ZC3H15: variants seen among roughly 807,000 people sequenced by gnomAD.
ZC3H15 encodes zinc finger CCCH domain-containing protein 15.
ZC3H15 carries 15 observed loss-of-function variants against 51.2 expected under a neutral mutation model. The observed-to-expected ratio is 0.29, with a 90% CI of 0.20 to 0.45. The LOEUF (loss-of-function observed/expected upper bound fraction) is 0.45, where lower values mean the gene tolerates loss of function less well. ZC3H15 is among the 20% of genes least tolerant of loss of function. The pLI is 1.00. For synonymous variants in ZC3H15, 144 were observed against 162.8 expected (o/e 0.88, Z 0.88); for missense variants, 381 against 494.7 (o/e 0.77, Z 2.18).
At chr2:186,506,975 TAATA>T (rs965694921) in intron 9 of ZC3H15, 139 bp downstream of exon 9, 1 of 944,018 alleles carries the variant, frequency 1.1e-6, no homozygotes. Context: ...ATAAAAGCAG[TAATA>T]AATAGTGAAA....
At chr2:186,501,461 G>A in intron 4 of ZC3H15, 36 bp downstream of exon 4, 2 of 1,569,466 alleles carry the variant, frequency 1.3e-6, no homozygotes, top group Non-Finnish European at 1.7e-6. Context: ...AAAAATAAAT[G>A]TTGAATACTT....
chr2:186,505,412 G>T, intron 6 of ZC3H15, 39 bp from the exon 7 acceptor site: 1 of 1,510,186 alleles, frequency 6.6e-7, no homozygotes, highest in South Asian at 1.4e-5. Context: ...TATTTGAGGT[G>T]ACTTCTGTGG....
At chr2:186,486,554 C>T (rs950093742) in intron 1 of ZC3H15, 97 bp downstream of exon 1, 1 of 1,349,536 alleles carries the variant, frequency 7.4e-7, no homozygotes, top group Admixed American at 2.3e-5. Flanking sequence ...TTCCTCGGGC[C>T]ACGTGTTCCT....
At position 186,505,432 on chromosome 2, in the gene ZC3H15, T is replaced by A; in HGVS notation, c.718-19T>A. The A allele has an allele frequency of 6.6e-7, 1 of 1,514,958 alleles. No homozygotes were observed. Among genetic ancestry groups the A allele is most frequent in the Non-Finnish European group, 8.8e-7 (1 of 1,135,470 alleles). 93.8% of individuals were successfully genotyped at this position (1,514,958 alleles called of 1,614,324 possible). On this transcript the variant is annotated intron_variant, in intron 6 of 9. Coordinates refer to ENST00000337859, the MANE Select transcript of ZC3H15 (RefSeq NM_018471.3). ...GAGGTGACTTCTGTGGAAAAAAAAT[T>A]AATTCTTTACCATTGCAGCGTTCTG...
intron 2 of ZC3H15, chr2:186,497,181 A>G (rs900165964): frequency 2.4e-5 from 10 of 420,604 alleles, no homozygotes; most frequent in African/African-American, 2.1e-4. Flanking sequence ...CTGGAAACAC[A>G]TTTTTGTAAT....
intron 4 of ZC3H15, 73 bp from the exon 5 acceptor site, chr2:186,502,423 A>T: frequency 1.6e-6 from 2 of 1,248,496 alleles, no homozygotes; most frequent in Non-Finnish European, 2.3e-6. Flanking sequence ...ACACAGCATT[A>T]GTGTCTAAGG....
intron 2 of ZC3H15, among the ~76,000 whole-genome samples, chr2:186,499,051 C>T (rs569068238): frequency 4.2e-4 from 64 of 152,294 alleles, no homozygotes; most frequent in African/African-American, 1.3e-3. Context: ...TCTTGTTTAA[C>T]GGCACTAACC....
chr2:186,501,288 C>T lies in ZC3H15; in HGVS notation c.305C>T (p.Ser102Phe). Residue 102 changes from serine to phenylalanine, a missense_variant, in exon 4 of 10, where the codon TCT (serine) becomes TTT (phenylalanine). Physicochemically the swap from Ser to Phe is radical, Grantham distance 155. Around this residue, in one of 3 missense-constraint regions of ZC3H15, gnomAD observed 125 missense variants for 166.3 expected, o/e 0.75. Coordinates refer to ENST00000337859, the MANE Select transcript of ZC3H15 (RefSeq NM_018471.3). ...TTTGACATAGGTGCAGATCCCAAGT[C>T]TGTAGTATGTGCATTCTTCAAGCAA... ...QKISKGADPKSVVCAFFKQGQ... is the reference protein window; with the variant it reads ...QKISKGADPKFVVCAFFKQGQ... The T allele has an allele frequency of 6.2e-7, 1 of 1,608,720 alleles. No homozygotes were observed. The highest frequency in any genetic ancestry group is 8.5e-7 in the Non-Finnish European group (1 of 1,177,486).
At chr2:186,492,838 C>T (rs1262467028) in intron 1 of ZC3H15, among the ~76,000 whole-genome samples, 2 of 152,014 alleles carry the variant, frequency 1.3e-5, no homozygotes, top group African/African-American at 4.8e-5. Context: ...ATAAAATGGC[C>T]ACTTGTTTCA....
rs1685092823 is a variant in ZC3H15, at chr2:186,486,368, C to T, written c.-15C>T. Reference sequence around the variant, plus strand: ...CAGCTGCGCGTAAGTCTGGCCGGTGCCATCTGTCTCCGCAATGCCCCCCAA... The same window carrying T: ...CAGCTGCGCGTAAGTCTGGCCGGTGTCATCTGTCTCCGCAATGCCCCCCAA... On this transcript the variant is annotated 5_prime_UTR_variant, in exon 1 of 10. Transcript: ENST00000337859. 1 of 1,531,642 alleles carries T rather than the reference C, an allele frequency of 6.5e-7. No individual in the cohort carries two copies. The highest frequency in any genetic ancestry group is 8.8e-7 in the Non-Finnish European group (1 of 1,134,992). The allele number at this position is 1,531,642 out of a possible 1,614,324, so 94.9% of individuals were successfully genotyped here.
intron 4 of ZC3H15, 62 bp from the exon 5 acceptor site, chr2:186,502,434 A>T: frequency 7.4e-7 from 1 of 1,356,154 alleles, no homozygotes. Context: ...GTGTCTAAGG[A>T]GATATGTGTT....
At chr2:186,501,219 ATACTT>A (rs1362737333) in intron 3 of ZC3H15, 49 bp from the exon 4 acceptor site, 12 of 1,497,832 alleles carry the variant, frequency 8.0e-6, no homozygotes, top group African/African-American at 2.8e-5. Context: ...GGTAGAATCT[ATACTT>A]TACAGCCTGG....
intron 9 of ZC3H15, among the ~76,000 whole-genome samples, chr2:186,507,180 T>C (rs1685483052): frequency 6.6e-6 from 1 of 152,104 alleles, no homozygotes; most frequent in Non-Finnish European, 1.5e-5. Context: ...ATCAGTGTTA[T>C]GGGGTAAGTA....
rs575199865 is a variant in ZC3H15, at chr2:186,505,295, C to T, written c.718-156C>T. On this transcript the variant is annotated intron_variant, in intron 6 of 9. Coordinates refer to ENST00000337859, the MANE Select transcript of ZC3H15 (RefSeq NM_018471.3). ...CTCTGGATACTCATTTTGCTCATTG[C>T]CACGTAAAGTAAAAAAATACATAAA... 2.2e-5 allele frequency: 17 copies of T among 789,234 alleles called. No homozygotes were observed. In the East Asian group the frequency reaches 3.4e-4, roughly 16 times the overall value. 48.9% of individuals were successfully genotyped at this position (789,234 alleles called of 1,614,324 possible).
Position 186,486,466 on chromosome 2 carries a change from C to A in ZC3H15, c.75+9C>A. 1.3e-6 allele frequency: 2 copies of A among 1,549,770 alleles called. No homozygotes were observed. Among genetic ancestry groups the A allele is most frequent in the Non-Finnish European group, 1.7e-6 (2 of 1,145,196 alleles). ...AGGAGAAGATTATCGAAGTGAGTAC[C>A]CACCCCTCCCCCACTCACGCCGCGA... On this transcript the variant is annotated intron_variant, in intron 1 of 9. Transcript: ENST00000337859.
At chr2:186,496,059 A>T (rs528680118) in intron 2 of ZC3H15, among the ~76,000 whole-genome samples, 1 of 152,194 alleles carries the variant, frequency 6.6e-6, no homozygotes, top group Non-Finnish European at 1.5e-5. Context: ...ATGTTTTGCC[A>T]TGCACCAATT....
At chr2:186,500,514 T>G in intron 3 of ZC3H15, 1 of 651,380 alleles carries the variant, frequency 1.5e-6, no homozygotes, top group South Asian at 1.5e-5. Flanking sequence ...CACCCCACAC[T>G]TAAGGCAAAA....
chr2:186,504,849 T>G (rs952783670), intron 6 of ZC3H15, among the ~76,000 whole-genome samples: 1 of 152,196 alleles, frequency 6.6e-6, no homozygotes, highest in Non-Finnish European at 1.5e-5. Context: ...TAATAGAAAA[T>G]GTAGACTTCA....
chr2:186,501,521 A>G, intron 4 of ZC3H15, 96 bp downstream of exon 4: 6 of 1,051,250 alleles, frequency 5.7e-6, no homozygotes, highest in Non-Finnish European at 8.0e-6. Context: ...TTCAATCTTA[A>G]TAGACTGTTT....
Sources: allele counts gnomAD v4.1 joint callset (sites outside exome capture counted in the v4.1 genomes callset), GRCh38; gene constraint gnomAD v4.1.1; regional missense constraint gnomAD v4.1.1; transcripts MANE v1.5; gene names NCBI Gene and HGNC (gene_info 2026-07-23, HGNC 2026-07-21).